Variants in FAM81A observed in about 807,000 individuals in gnomAD.
FAM81A encodes the protein protein FAM81A.
A neutral mutation model predicts 46.7 loss-of-function variants in FAM81A; 19 were observed. The observed-to-expected ratio is 0.41, with a 90% CI of 0.28 to 0.60. The LOEUF (loss-of-function observed/expected upper bound fraction) is 0.60, where lower values mean the gene tolerates loss of function less well. FAM81A is among the 20% of genes least tolerant of loss of function. The pLI, the probability that FAM81A is intolerant of heterozygous loss-of-function variation, is 0.34. For synonymous variants in FAM81A, 183 were observed against 152.9 expected (o/e 1.20, Z -1.45); for missense variants, 377 against 453.5 (o/e 0.83, Z 1.53).
intron 4 of FAM81A, among the ~76,000 whole-genome samples, chr15:59,495,176 A>G (rs1472894617): frequency 6.6e-6 from 1 of 152,194 alleles, no homozygotes; most frequent in African/African-American, 2.4e-5. Context: ...CATACCTGTT[A>G]GCTGTCACTC....
intron 2 of FAM81A, among the ~76,000 whole-genome samples, chr15:59,423,829 T>C (rs553234454): frequency 4.6e-5 from 7 of 152,338 alleles, no homozygotes; most frequent in Middle Eastern, 3.4e-3. Context: ...TATTACTGCC[T>C]CTCTCTTATA....
chr15:59,421,426 G>A (rs922295496), intron 2 of FAM81A, among the ~76,000 whole-genome samples: 2 of 152,148 alleles, frequency 1.3e-5, no homozygotes, highest in African/African-American at 4.8e-5. Context: ...GCAGCTTAGC[G>A]TATAGCAGGA....
chr15:59,485,320 G>C (rs1239339879), intron 3 of FAM81A, among the ~76,000 whole-genome samples: 2 of 152,236 alleles, frequency 1.3e-5, no homozygotes, highest in African/African-American at 4.8e-5. Context: ...ATTCGGTGCT[G>C]TGCTGGCTTC....
At chr15:59,455,254 C>T (rs2081469508) in intron 1 of FAM81A, among the ~76,000 whole-genome samples, 1 of 151,860 alleles carries the variant, frequency 6.6e-6, no homozygotes, top group African/African-American at 2.4e-5. Context: ...CCTACCTGTC[C>T]CTTCCCCCAA....
At chr15:59,445,584 C>T (rs1301736232) in intron 1 of FAM81A, 9 of 152,268 alleles carry the variant, frequency 5.9e-5, no homozygotes, top group South Asian at 4.2e-4. Flanking sequence ...GAAGTCCAGC[C>T]TCCTCTCTCT....
At chr15:59,501,280 T>A (rs1480490820) in intron 4 of FAM81A, among the ~76,000 whole-genome samples, 3 of 152,140 alleles carry the variant, frequency 2.0e-5, no homozygotes, top group Admixed American at 6.6e-5. Flanking sequence ...AGGGCTCTGT[T>A]TGACTGTCTC....
At position 59,514,335 on chromosome 15, in the gene FAM81A, C is replaced by T. The variant is rs779311597; in HGVS notation, c.697C>T (p.Arg233Trp). 7.4e-6 allele frequency: 12 copies of T among 1,613,052 alleles called. No individual in the cohort carries two copies. The highest frequency in any genetic ancestry group is 5.0e-5 in the Admixed American group (3 of 59,922). ...ACTCAGTAACCAGATATTATCTGCACGGAGTTGGTTGCAACAGGAACAAGA... is the reference window on the plus strand; with the variant it reads ...ACTCAGTAACCAGATATTATCTGCATGGAGTTGGTTGCAACAGGAACAAGA... ...EELSNQILSA[R>W]SWLQQEQERI... The change falls in exon 7 of 9, where the codon CGG becomes TGG. Residue 233 changes from arginine to tryptophan, a missense_variant. Arg to Trp is a moderately radical substitution (Grantham distance 101). Transcript: ENST00000288228.
At chr15:59,481,816 G>A (rs1194624278) in intron 3 of FAM81A, among the ~76,000 whole-genome samples, 2 of 151,788 alleles carry the variant, frequency 1.3e-5, no homozygotes, top group East Asian at 3.9e-4. Flanking sequence ...GTTGTATTGG[G>A]AAGGGCCAGC....
chr15:59,472,366 A>G (rs1383575738), intron 3 of FAM81A, among the ~76,000 whole-genome samples: 5 of 152,048 alleles, frequency 3.3e-5, no homozygotes, highest in African/African-American at 1.2e-4. Flanking sequence ...AAACCAAACC[A>G]AAACATAACG....
chr15:59,453,631 AAG>A (rs1460624555), intron 1 of FAM81A, among the ~76,000 whole-genome samples: 1 of 152,130 alleles, frequency 6.6e-6, no homozygotes, highest in Non-Finnish European at 1.5e-5. Flanking sequence ...GAGTGAGAGA[AAG>A]AGGGATGAGA....
At chr15:59,423,341 G>C (rs1335087716) in intron 2 of FAM81A, among the ~76,000 whole-genome samples, 2 of 152,150 alleles carry the variant, frequency 1.3e-5, no homozygotes, top group African/African-American at 4.8e-5. Context: ...CTCGTGATCC[G>C]CCTGCCTCGG....
intron 3 of FAM81A, among the ~76,000 whole-genome samples, chr15:59,479,643 G>T (rs899843904): frequency 3.3e-5 from 5 of 151,910 alleles, no homozygotes; most frequent in Non-Finnish European, 5.9e-5. Context: ...CACCCAGGGG[G>T]ATCACTCCAG....
chr15:59,494,139 AT>A (rs1237287487), intron 4 of FAM81A, among the ~76,000 whole-genome samples: 1 of 152,178 alleles, frequency 6.6e-6, no homozygotes, highest in Non-Finnish European at 1.5e-5. Context: ...TTCATCATCA[AT>A]TTGGATGAAG....
At chr15:59,450,406 T>C (rs1352988003) in intron 1 of FAM81A, among the ~76,000 whole-genome samples, 1 of 152,122 alleles carries the variant, frequency 6.6e-6, no homozygotes, top group African/African-American at 2.4e-5. Context: ...ATTTGGAAAG[T>C]TTTTGAGGAT....
rs1044622573 is a variant in FAM81A, at chr15:59,516,518, T to C, written c.787-127T>C. 7.9e-5 allele frequency: 70 copies of C among 881,582 alleles called. No homozygotes were observed. In the African/African-American group the frequency reaches 8.1e-4, roughly 10 times the overall value. 54.6% of individuals were successfully genotyped at this position (881,582 alleles called of 1,614,324 possible). A position where few individuals can be genotyped will look rare whatever the true frequency, so the allele number is the denominator to read the frequency against. ...AAGAAAGGGAGAACGGATATTATGG[T>C]GGGCAACAAGCAGCTGTTGCAAATC... On this transcript the variant is annotated intron_variant, in intron 7 of 8. Transcript: ENST00000288228.
Position 59,492,159 on chromosome 15 carries a change from C to G in FAM81A, c.295-112C>G, listed in dbSNP as rs1157562988. ...CCTTAGGTGACTGTTGAAAAGGAGT[C>G]TCTTATGAAAGACTGAGTTAAACAT... is the stretch of plus-strand genomic sequence containing the variant. On this transcript the variant is annotated intron_variant, in intron 3 of 8. Coordinates refer to ENST00000288228, the MANE Select transcript of FAM81A (RefSeq NM_152450.3). The G allele has an allele frequency of 6.8e-6, 5 of 733,120 alleles. 1 individual carries two copies. In the Admixed American group the frequency reaches 9.4e-5, roughly 14 times the overall value. 45.4% of individuals were successfully genotyped at this position (733,120 alleles called of 1,614,324 possible).
intron 3 of FAM81A, among the ~76,000 whole-genome samples, chr15:59,472,898 A>G (rs753553080): frequency 6.6e-6 from 1 of 152,168 alleles, no homozygotes; most frequent in African/African-American, 2.4e-5. Context: ...TGGTATCTAT[A>G]TTAAGAATGA....
chr15:59,466,378 ACTT>A (rs1476182034), intron 3 of FAM81A, among the ~76,000 whole-genome samples: 2 of 152,010 alleles, frequency 1.3e-5, no homozygotes, highest in African/African-American at 4.8e-5. Context: ...TTGTTTCCTG[ACTT>A]TTTAATGATT....
intron 2 of FAM81A, among the ~76,000 whole-genome samples, chr15:59,405,660 A>G (rs1455767843): frequency 6.6e-6 from 1 of 152,012 alleles, no homozygotes; most frequent in Non-Finnish European, 1.5e-5. Context: ...GAATAATGAT[A>G]ATAATTGCTA....
Sources: gnomAD v4.1 joint callset for allele counts (sites outside exome capture counted in the v4.1 genomes callset) on GRCh38, gnomAD v4.1.1 for gene constraint, MANE v1.5 for transcripts, NCBI Gene and HGNC (gene_info 2026-07-23, HGNC 2026-07-21) for gene names.